The following RP1 variants were observed in gnomAD, a reference collection of about 807,000 sequenced individuals.
The protein encoded by RP1 is oxygen-regulated protein 1.
In RP1, 16 loss-of-function variants were observed where a neutral mutation model predicts 14.8. The ratio of observed to expected loss-of-function variants is 1.08; its 90% CI spans 0.73 to 1.65. The LOEUF is 1.65. Among genes scored for constraint, RP1 ranks in the 40% most tolerant of loss-of-function variants. RP1 has a pLI of 0.00. For synonymous variants in RP1, 876 were observed against 883.6 expected, an observed-to-expected ratio of 0.99 and a Z score of 0.15; for missense variants, 2,631 against 2,535.0, an observed-to-expected ratio of 1.04 and a Z score of -0.81.
intron 24 of RP1, among the ~76,000 whole-genome samples, chr8:54,792,276 A>G (rs1331555672): frequency 1.3e-5 from 2 of 151,976 alleles, no homozygotes; most frequent in Non-Finnish European, 2.9e-5. Context: ...AGGATCTTTG[A>G]TATTAAACCC....
At chr8:54,751,539 T>C (rs930073968) in intron 19 of RP1, among the ~76,000 whole-genome samples, 3 of 152,230 alleles carry the variant, frequency 2.0e-5, no homozygotes, top group African/African-American at 7.2e-5. Flanking sequence ...CATTAATCTA[T>C]CTTAATGTAT....
chr8:54,770,983 A>T (rs1365391006), downstream of RP1, among the ~76,000 whole-genome samples: 1 of 152,028 alleles, frequency 6.6e-6, no homozygotes, highest in East Asian at 1.9e-4. Context: ...TCAAAAATGG[A>T]TGTACTTTCT....
At chr8:54,727,677 T>C (rs1187457294) in intron 17 of RP1, among the ~76,000 whole-genome samples, 2 of 152,044 alleles carry the variant, frequency 1.3e-5, no homozygotes, top group Non-Finnish European at 2.9e-5. Flanking sequence ...ATTATTTCAT[T>C]TAATTCAACA....
chr8:54,807,850 G>T (rs7834293), intron 24 of RP1, among the ~76,000 whole-genome samples: 47,664 of 151,874 alleles, frequency 0.31, 8,087 homozygotes, highest in South Asian at 0.38. Flanking sequence ...TCTGCTGGTA[G>T]AATTACTTCT....
intron 12 of RP1, chr8:54,696,807 A>C: frequency 1.4e-6 from 1 of 731,260 alleles, no homozygotes. Flanking sequence ...GTGGAACGTT[A>C]TGTGACCTGC....
At position 54,630,794 on chromosome 8, in the gene RP1, A is replaced by G; in HGVS notation, c.*441A>G. 1 of 1,006,202 alleles carries G rather than the reference A, an allele frequency of 9.9e-7. No homozygotes were observed. The highest frequency in any genetic ancestry group is 1.2e-6 in the Non-Finnish European group (1 of 842,872). The allele number at this position is 1,006,202 out of a possible 1,614,324, so 62.3% of individuals were successfully genotyped here. ...CTTTTTAACTACTGATTTGATAAAA[A>G]GTATGATTATAAGATATCCACGACA... On this transcript the variant is annotated 3_prime_UTR_variant, in exon 4 of 4. Coordinates refer to ENST00000220676, the MANE Select transcript of RP1 (RefSeq NM_006269.2).
chr8:54,826,338 C>T (rs1320209185), intron 24 of RP1, among the ~76,000 whole-genome samples: 3 of 152,200 alleles, frequency 2.0e-5, no homozygotes, highest in Non-Finnish European at 4.4e-5. Flanking sequence ...ACATTGTCTG[C>T]ATTATCATTG....
rs753237405 is a variant in RP1 at position 54,621,459 on chromosome 8, A to G, written c.493A>G (p.Lys165Glu). The stretch of plus-strand genomic sequence containing the variant: ...AGTGGTCTTCAGGAATGGCGACCCG[A>G]AGACGAGGCGTGCGGTTCTTCTGAG... ...SLVVFRNGDPKTRRAVLLSRR... is the reference protein window; with the variant it reads ...SLVVFRNGDPETRRAVLLSRR... The change falls in exon 2 of 4, where the codon AAG (lysine) becomes GAG (glutamate). Residue 165 changes from lysine to glutamate, a missense_variant. By Grantham distance (56) the Lys-to-Glu change is moderately conservative. Coordinates refer to ENST00000220676, the MANE Select transcript of RP1 (RefSeq NM_006269.2). The G allele has an allele frequency of 1.2e-6, 2 of 1,613,900 alleles. No homozygotes were observed. Among genetic ancestry groups the G allele is most frequent in the South Asian group, 2.2e-5 (2 of 91,072 alleles).
chr8:54,840,084 G>A (rs1369537432), intron 25 of RP1, among the ~76,000 whole-genome samples: 2 of 151,948 alleles, frequency 1.3e-5, no homozygotes, highest in East Asian at 3.9e-4. Context: ...CATGTCTCAG[G>A]ACCTATCTAT....
At chr8:54,707,053 C>T (rs745864340) in intron 15 of RP1, among the ~76,000 whole-genome samples, 2 of 152,144 alleles carry the variant, frequency 1.3e-5, no homozygotes, top group African/African-American at 2.4e-5. Context: ...CCTTACTGCT[C>T]CTTTTGGTGC....
In RP1 at chr8:54,685,949, G is replaced by A. The variant is rs533574266; in HGVS notation, c.1717+6016G>A. Among the ~76,000 whole-genome samples the A allele has an allele frequency of 4.3e-4, 66 of 152,310 alleles. 1 individual carries two copies. In the South Asian group the frequency reaches 0.012, roughly 28 times the overall value. On this transcript the variant is annotated intron_variant, in intron 12 of 22. Coordinates refer to the RP1 transcript ENST00000636932. ...CTTCAGGAAAGAACTGGCCCTGACAGCCCCAGCTGAATCTCCAACCAGCAG... is the reference window on the plus strand; with the variant it reads ...CTTCAGGAAAGAACTGGCCCTGACAACCCCAGCTGAATCTCCAACCAGCAG...
intron 1 of RP1, among the ~76,000 whole-genome samples, chr8:54,583,521 A>G (rs1257033036): frequency 5.3e-5 from 8 of 152,198 alleles, no homozygotes; most frequent in Non-Finnish European, 8.8e-5. Flanking sequence ...TCATAAAATG[A>G]GTTAGGGAGG....
At chr8:54,851,990 T>C (rs17322268) in intron 25 of RP1, among the ~76,000 whole-genome samples, 53,456 of 152,138 alleles carry the variant, frequency 0.35, 9,515 homozygotes, top group Non-Finnish European at 0.38. Flanking sequence ...TAATTATTTA[T>C]TTCTATCAAT....
chr8:54,741,711 A>G lies in RP1; in HGVS notation c.2808+2682A>G, dbSNP rs568259472. Among the ~76,000 whole-genome samples the G allele has an allele frequency of 4.2e-3, 404 of 95,620 alleles. 1 individual carries two copies. The highest frequency in any genetic ancestry group is 0.013 in the African/African-American group (296 of 22,152). The allele number at this position is 95,620 out of a possible 152,430, so 62.7% of individuals were successfully genotyped here. A position where few individuals can be genotyped will look rare whatever the true frequency, so the allele number is the denominator to read the frequency against. ...CATATAAATACAAATGTGTGTGTAT[A>G]TATATATATATATATATATATATAT... is the stretch of plus-strand genomic sequence containing the variant. On this transcript the variant is annotated intron_variant, in intron 19 of 22. Transcript: ENST00000636932.
Position 54,833,177 on chromosome 8 carries a change from G to A in RP1, c.3616-4273G>A, listed in dbSNP as rs1180321250. On this transcript the variant is annotated intron_variant, in intron 24 of 28. Transcript: ENST00000637698. Reference sequence around the variant, plus strand: ...CCCCTCTTAATTTCCAGCTTCTCTGGTAGTTCCAAATTAGTTCCAAGTTCA... The same window carrying A: ...CCCCTCTTAATTTCCAGCTTCTCTGATAGTTCCAAATTAGTTCCAAGTTCA... Among the ~76,000 whole-genome samples the A allele has an allele frequency of 2.6e-5, 4 of 151,862 alleles. No homozygotes were observed. The East Asian group carries it at 7.7e-4, about 29-fold the overall frequency.
intron 3 of RP1, among the ~76,000 whole-genome samples, chr8:54,647,912 C>T (rs2129324805): frequency 6.6e-6 from 1 of 152,192 alleles, no homozygotes; most frequent in Non-Finnish European, 1.5e-5. Flanking sequence ...TGTGTCCTTA[C>T]CCAAATCTCA....
At chr8:54,716,215 AC>A (rs1287284071) in intron 15 of RP1, among the ~76,000 whole-genome samples, 1 of 152,192 alleles carries the variant, frequency 6.6e-6, no homozygotes, top group Non-Finnish European at 1.5e-5. Context: ...TCTAAAGTGC[AC>A]TAGTAATCCT....
At chr8:54,611,175 G>T (rs1207701383), upstream of RP1, among the ~76,000 whole-genome samples, 1 of 152,116 alleles carries the variant, frequency 6.6e-6, no homozygotes, top group African/African-American at 2.4e-5. Flanking sequence ...TTCAGTGCAG[G>T]TCTCTTGTAG....
At chr8:54,633,414 G>A (rs1036373248), downstream of RP1, among the ~76,000 whole-genome samples, 1 of 152,014 alleles carries the variant, frequency 6.6e-6, no homozygotes, top group Middle Eastern at 3.2e-3. Context: ...ATATTATAAT[G>A]TAACTTTTCA....
Sources: gnomAD v4.1 joint callset for allele counts (sites outside exome capture counted in the v4.1 genomes callset) on GRCh38, gnomAD v4.1.1 for gene constraint, MANE v1.5 for transcripts, NCBI Gene and HGNC (gene_info 2026-07-23, HGNC 2026-07-21) for gene names.